CFDP1: variants seen among roughly 807,000 people sequenced by gnomAD.
CFDP1 encodes heterochromatin-stabilizing protein CFDP1.
In CFDP1, 31 loss-of-function variants were observed where a neutral mutation model predicts 40.1. That is an observed-to-expected ratio of 0.77 (90% CI 0.58 to 1.04). The LOEUF (loss-of-function observed/expected upper bound fraction) is 1.04. CFDP1 is among the 50% of genes least tolerant of loss of function. The probability of loss-of-function intolerance (pLI) is 0.00; values close to 1 mark genes in which losing one functional copy is unlikely to be tolerated. For missense variants in CFDP1, 423 were observed against 343.4 expected (o/e 1.23, Z -1.83); for synonymous variants, 167 against 120.0 (o/e 1.39, Z -2.56).
intron 1 of CFDP1, among the ~76,000 whole-genome samples, chr16:75,421,537 C>T (rs2079280512): frequency 6.6e-6 from 1 of 152,134 alleles, no homozygotes; most frequent in Non-Finnish European, 1.5e-5. Context: ...TCCAAAGACT[C>T]AGAGCTTCCA....
chr16:75,376,455 T>G (rs1195253152), intron 5 of CFDP1, among the ~76,000 whole-genome samples: 2 of 152,208 alleles, frequency 1.3e-5, no homozygotes, highest in African/African-American at 4.8e-5. Flanking sequence ...AAATACATGT[T>G]CTTTCACTGT....
In CFDP1 at chr16:75,433,464, G is replaced by T. The variant is rs977020037; in HGVS notation, c.-112C>A. ...CGGCGGCGGCGACGGCAGCTAGGGC[G>T]GCCCCCGACAGCGCTTTGCACATGC... is the stretch of plus-strand genomic sequence containing the variant. On this transcript the variant is annotated 5_prime_UTR_variant, in exon 1 of 7. Transcript: ENST00000283882. 3.2e-5 allele frequency: 32 copies of T among 1,005,790 alleles called. No homozygotes were observed. The highest frequency in any genetic ancestry group is 4.6e-5 in the Non-Finnish European group (31 of 668,878). 62.3% of individuals were successfully genotyped at this position (1,005,790 alleles called of 1,614,324 possible). A position where few individuals can be genotyped will look rare whatever the true frequency, so the allele number is the denominator to read the frequency against.
At chr16:75,298,272 T>G (rs550527888) in intron 6 of CFDP1, among the ~76,000 whole-genome samples, 3 of 152,276 alleles carry the variant, frequency 2.0e-5, no homozygotes, top group African/African-American at 7.2e-5. Flanking sequence ...ATAAGGGATA[T>G]TCAACCTGTA....
intron 5 of CFDP1, among the ~76,000 whole-genome samples, chr16:75,383,703 C>T (rs1227237119): frequency 6.6e-6 from 1 of 151,778 alleles, no homozygotes; most frequent in Non-Finnish European, 1.5e-5. Flanking sequence ...CCTTTAGTCC[C>T]AGCTACTCGG....
intron 5 of CFDP1, among the ~76,000 whole-genome samples, chr16:75,349,435 G>A (rs185942530): frequency 0.011 from 1,732 of 150,854 alleles, 12 homozygotes; most frequent in Non-Finnish European, 0.021. Context: ...ACTTGAACCC[G>A]GGAGTGGAGG....
chr16:75,409,799 TG>T (rs1477155209), intron 4 of CFDP1, among the ~76,000 whole-genome samples: 2 of 152,190 alleles, frequency 1.3e-5, no homozygotes, highest in African/African-American at 4.8e-5. Context: ...GTGGTGAATC[TG>T]GATCATAGGT....
At chr16:75,422,935 G>A (rs1170870396) in intron 1 of CFDP1, among the ~76,000 whole-genome samples, 2 of 151,912 alleles carry the variant, frequency 1.3e-5, no homozygotes, top group African/African-American at 4.8e-5. Context: ...CTCAAAGCCA[G>A]GTGTTTGAGA....
At chr16:75,341,198 T>G (rs1475338204) in intron 5 of CFDP1, among the ~76,000 whole-genome samples, 3 of 152,190 alleles carry the variant, frequency 2.0e-5, no homozygotes, top group African/African-American at 2.4e-5. Context: ...TTTAAATGAA[T>G]TTTTATGTAA....
intron 4 of CFDP1, among the ~76,000 whole-genome samples, chr16:75,401,737 G>GT (rs1194157744): frequency 6.7e-6 from 1 of 149,826 alleles, no homozygotes; most frequent in Non-Finnish European, 1.5e-5. Flanking sequence ...GTTTGGTTTT[G>GT]TTTTTTACTA....
intron 5 of CFDP1, among the ~76,000 whole-genome samples, chr16:75,390,540 T>A (rs1392247134): frequency 6.6e-6 from 1 of 152,244 alleles, no homozygotes; most frequent in Admixed American, 6.5e-5. Context: ...GTCTTTGCTG[T>A]ATTCGGAGTT....
At chr16:75,321,709 CT>C in intron 5 of CFDP1, among the ~76,000 whole-genome samples, 1 of 152,314 alleles carries the variant, frequency 6.6e-6, no homozygotes, top group South Asian at 2.1e-4. Context: ...TTGGACACCC[CT>C]GCTTTAAACC....
intron 5 of CFDP1, among the ~76,000 whole-genome samples, chr16:75,349,222 G>A (rs1261901304): frequency 6.6e-6 from 1 of 151,962 alleles, no homozygotes; most frequent in Non-Finnish European, 1.5e-5. Flanking sequence ...TAGAAATACA[G>A]TTCTTAGGCT....
At chr16:75,313,979 G>A (rs1353097675) in intron 5 of CFDP1, among the ~76,000 whole-genome samples, 1 of 152,104 alleles carries the variant, frequency 6.6e-6, no homozygotes, top group Non-Finnish European at 1.5e-5. Flanking sequence ...CCGCCGCCGG[G>A]GTTCAAGCAG....
intron 5 of CFDP1, among the ~76,000 whole-genome samples, chr16:75,382,571 C>T (rs903178422): frequency 3.9e-5 from 6 of 152,186 alleles, no homozygotes; most frequent in Admixed American, 6.5e-5. Flanking sequence ...GCTAAATCAG[C>T]GTGCCCTTTT....
At chr16:75,402,167 A>G (rs1217110126) in intron 4 of CFDP1, among the ~76,000 whole-genome samples, 3 of 152,212 alleles carry the variant, frequency 2.0e-5, no homozygotes, top group South Asian at 4.1e-4. Flanking sequence ...AAGTATCAAA[A>G]TATCTTCAAG....
At chr16:75,347,352 AAAAAAAAAAAAAG>A (rs374294533) in intron 5 of CFDP1, among the ~76,000 whole-genome samples, 20,428 of 125,778 alleles carry the variant, frequency 0.16, 1,365 homozygotes, top group African/African-American at 0.25. Context: ...TCAAAAAAAA[AAAAAAAAAAAAAG>A]AAAAAGAAAA....
At chr16:75,304,963 T>C (rs193003756) in intron 6 of CFDP1, 61 bp downstream of exon 6, 1 of 1,550,084 alleles carries the variant, frequency 6.5e-7, no homozygotes, top group Admixed American at 1.8e-5. Context: ...TTGTCTCCAA[T>C]AAATCATTTG....
chr16:75,431,449 T>C (rs2079414117), intron 1 of CFDP1, among the ~76,000 whole-genome samples: 1 of 64,046 alleles, frequency 1.6e-5, no homozygotes, highest in Non-Finnish European at 3.0e-5. Context: ...GCAAAACTCT[T>C]GTCTCAAAAA....
chr16:75,405,749 CAAA>C (rs35698522), intron 4 of CFDP1, among the ~76,000 whole-genome samples: 1 of 100,448 alleles, frequency 1.0e-5, no homozygotes, highest in African/African-American at 4.1e-5. Flanking sequence ...GACTCCATCT[CAAA>C]AAAAAAAAAA....
Sources: gnomAD v4.1 joint callset for allele counts (sites outside exome capture counted in the v4.1 genomes callset) on GRCh38, gnomAD v4.1.1 for gene constraint, MANE v1.5 for transcripts, NCBI Gene and HGNC (gene_info 2026-07-23, HGNC 2026-07-21) for gene names.